The following DMD variants were observed in gnomAD, a reference collection of about 807,000 sequenced individuals.
The protein encoded by DMD is dystrophin, also known as mutant dystrophin.
In DMD, 63 loss-of-function variants were observed where a neutral mutation model predicts 330.1. That is an observed-to-expected ratio of 0.19 (90% CI 0.16 to 0.24). DMD has a LOEUF of 0.24. Ranked by LOEUF, DMD falls within the 10% of genes least tolerant of loss-of-function variation. The pLI is 1.00. For missense variants in DMD, 3,344 were observed against 2,684.1 expected (o/e 1.25, Z -5.43); for synonymous variants, 1,223 against 959.8 (o/e 1.27, Z -5.07).
intron 54 of DMD, among the ~76,000 whole-genome samples, chrX:31,634,158 A>G (rs2079278632): frequency 8.9e-6 from 1 of 112,596 alleles, no homozygotes; most frequent in African/African-American, 3.2e-5. Context: ...GAACACATAC[A>G]TACAAAGATA....
intron 2 of DMD, among the ~76,000 whole-genome samples, chrX:32,943,264 TCAAA>T (rs2090556185): frequency 9.0e-6 from 1 of 111,689 alleles, no homozygotes; most frequent in Non-Finnish European, 1.9e-5. Flanking sequence ...AAACATTGAT[TCAAA>T]CAAATTTATA....
chrX:31,449,662 C>A (rs1438890479), intron 59 of DMD, among the ~76,000 whole-genome samples: 2 of 105,803 alleles, frequency 1.9e-5, no homozygotes, highest in Non-Finnish European at 3.9e-5. Context: ...AAGGCCACAG[C>A]AGGAGTAGCT....
intron 2 of DMD, among the ~76,000 whole-genome samples, chrX:32,956,187 C>G (rs759914992): frequency 9.0e-5 from 10 of 110,891 alleles, no homozygotes; most frequent in African/African-American, 3.3e-4. Context: ...AAAATAGTTT[C>G]TTCTAGTTCT....
chrX:31,244,666 A>G (rs1202727336), intron 63 of DMD, among the ~76,000 whole-genome samples: 1 of 112,254 alleles, frequency 8.9e-6, no homozygotes, highest in African/African-American at 3.2e-5. Context: ...TTATGATTAC[A>G]GTAGGATACA....
intron 63 of DMD, among the ~76,000 whole-genome samples, chrX:31,255,282 G>T (rs904599538): frequency 9.0e-6 from 1 of 111,196 alleles, no homozygotes; most frequent in African/African-American, 3.3e-5. Context: ...AACATCTACT[G>T]ATGTTGTAAA....
intron 9 of DMD, among the ~76,000 whole-genome samples, chrX:32,671,146 C>T (rs1255166085): frequency 9.1e-6 from 1 of 110,488 alleles, no homozygotes; most frequent in Non-Finnish European, 1.9e-5. Flanking sequence ...GAGTAAATTA[C>T]CACCAAGATA....
At chrX:31,323,210 A>G (rs774368107) in intron 62 of DMD, among the ~76,000 whole-genome samples, 106 of 112,028 alleles carry the variant, frequency 9.5e-4, no homozygotes, top group Non-Finnish European at 1.3e-3. Context: ...TTGTGTACAT[A>G]TAACTGCGGA....
rs151054985 is a variant in DMD at position 31,911,093 on chromosome X, G to A, written c.6912+18503C>T. Among the ~76,000 whole-genome samples the A allele has an allele frequency of 4.8e-3, 543 of 112,033 alleles. 1 individual carries two copies. Among genetic ancestry groups the A allele is most frequent in the Non-Finnish European group, 7.7e-3 (411 of 53,187 alleles). On this transcript the variant is annotated intron_variant, in intron 47 of 78. Transcript: ENST00000357033. ...CAAGACAGGAAGAGAAAAAGAAATA[G>A]GGAGAGTGAGGCTCTTGTCACAATC...
At chrX:32,424,952 G>T (rs905775341) in intron 29 of DMD, among the ~76,000 whole-genome samples, 1 of 111,611 alleles carries the variant, frequency 9.0e-6, no homozygotes, top group African/African-American at 3.3e-5. Flanking sequence ...GCTAATCAAA[G>T]ATAACGCAAA....
At chrX:31,508,382 A>G in intron 55 of DMD, 3 of 603,544 alleles carry the variant, frequency 5.0e-6, no homozygotes, top group Admixed American at 7.5e-5. Context: ...AGGCCTCACC[A>G]GTCAATAATA....
At chrX:31,310,708 T>G (rs1373844802) in intron 62 of DMD, among the ~76,000 whole-genome samples, 2 of 101,612 alleles carry the variant, frequency 2.0e-5, no homozygotes, top group African/African-American at 7.2e-5. Flanking sequence ...CATGCCACCA[T>G]GCCAAGGATT....
At chrX:31,493,769 T>C (rs72625586) in intron 57 of DMD, among the ~76,000 whole-genome samples, 1 of 112,042 alleles carries the variant, frequency 8.9e-6, no homozygotes, top group East Asian at 2.8e-4. Flanking sequence ...AATGTAGAGA[T>C]TGCATTGTAG....
chrX:31,401,725 T>C (rs2061200102), intron 60 of DMD, among the ~76,000 whole-genome samples: 1 of 111,557 alleles, frequency 9.0e-6, no homozygotes, highest in Non-Finnish European at 1.9e-5. Flanking sequence ...ATTTCTGGCT[T>C]TGAGGAACAC....
chrX:31,164,667 C>T (rs767030432), intron 74 of DMD, among the ~76,000 whole-genome samples: 23 of 111,214 alleles, frequency 2.1e-4, no homozygotes, highest in Non-Finnish European at 4.0e-4. Context: ...TGACTCCCCC[C>T]AGCTTGATTT....
At chrX:33,091,122 G>C (rs988404610) in intron 1 of DMD, among the ~76,000 whole-genome samples, 2 of 111,129 alleles carry the variant, frequency 1.8e-5, no homozygotes, top group Admixed American at 1.9e-4. Flanking sequence ...ATGAGTTTGT[G>C]AGCGAAGGTT....
chrX:33,299,280 T>C (rs1271223687), intron 1 of DMD, among the ~76,000 whole-genome samples: 1 of 111,527 alleles, frequency 9.0e-6, no homozygotes, highest in Non-Finnish European at 1.9e-5. Flanking sequence ...ACTTTTTCTT[T>C]TGGTACTTGT....
At chrX:32,880,742 C>A (rs747765504) in intron 2 of DMD, among the ~76,000 whole-genome samples, 1 of 111,776 alleles carries the variant, frequency 8.9e-6, no homozygotes, top group African/African-American at 3.2e-5. Flanking sequence ...GTCGGGAGTT[C>A]GAGACCAGCC....
At chrX:32,957,460 A>G (rs1312017902) in intron 2 of DMD, among the ~76,000 whole-genome samples, 1 of 111,712 alleles carries the variant, frequency 9.0e-6, no homozygotes, top group Non-Finnish European at 1.9e-5. Context: ...TTGGTAACTT[A>G]AGACATATGT....
At chrX:32,861,196 T>C (rs1233016303) in intron 2 of DMD, among the ~76,000 whole-genome samples, 3 of 112,268 alleles carry the variant, frequency 2.7e-5, no homozygotes, top group East Asian at 2.8e-4. Flanking sequence ...TTGTAAGATA[T>C]ATTCTGTAAG....
Sources: allele counts gnomAD v4.1 joint callset (sites outside exome capture counted in the v4.1 genomes callset), GRCh38; gene constraint gnomAD v4.1.1; transcripts MANE v1.5; gene names NCBI Gene and HGNC (gene_info 2026-07-23, HGNC 2026-07-21).